RTL4: variants seen among roughly 807,000 people sequenced by gnomAD.
The protein encoded by RTL4 is retrotransposon Gag-like protein 4.
In RTL4, 4 loss-of-function variants were observed where a neutral mutation model predicts 5.3. The ratio of observed to expected loss-of-function variants is 0.75; its 90% CI spans 0.37 to 1.72. The LOEUF is 1.72. Among genes scored for constraint, RTL4 ranks in the 40% most tolerant of loss-of-function variants. The pLI is 0.04. For synonymous variants in RTL4, 98 were observed against 87.3 expected, an observed-to-expected ratio of 1.12 and a Z score of -0.68; for missense variants, 260 against 227.1, an observed-to-expected ratio of 1.14 and a Z score of -0.93.
At chrX:112,360,936 G>A in the RTL4 span, among the ~76,000 whole-genome samples, 1 of 110,838 alleles carries the variant, frequency 9.0e-6, no homozygotes, top group Non-Finnish European at 1.9e-5. Flanking sequence ...AGTACTCTTT[G>A]TGTTACAGAA....
the RTL4 span, among the ~76,000 whole-genome samples, chrX:112,361,900 T>C: frequency 1.8e-5 from 2 of 111,643 alleles, no homozygotes; most frequent in East Asian, 5.7e-4. Flanking sequence ...GACCTTCAAT[T>C]GGAATTGACT....
the RTL4 span, among the ~76,000 whole-genome samples, chrX:112,085,266 C>A: frequency 8.9e-6 from 1 of 112,559 alleles, no homozygotes; most frequent in Admixed American, 9.4e-5. Flanking sequence ...CACTATCTGA[C>A]TAATTTAAGC....
the RTL4 span, among the ~76,000 whole-genome samples, chrX:112,330,389 G>C: frequency 9.7e-6 from 1 of 103,033 alleles, no homozygotes; most frequent in Non-Finnish European, 1.9e-5. Flanking sequence ...CAAATCATGA[G>C]TGAACTCCCA....
chrX:112,118,380 CAG>C, the RTL4 span, among the ~76,000 whole-genome samples: 1 of 112,329 alleles, frequency 8.9e-6, no homozygotes, highest in Non-Finnish European at 1.9e-5. Flanking sequence ...AGCTATTGGC[CAG>C]AGTCTTCTTT....
At chrX:112,278,796 G>A in the RTL4 span, among the ~76,000 whole-genome samples, 2 of 110,513 alleles carry the variant, frequency 1.8e-5, no homozygotes, top group African/African-American at 6.6e-5. Context: ...AGGGAACAGA[G>A]GCTATACAAG....
At chrX:112,433,835 T>G in the RTL4 span, among the ~76,000 whole-genome samples, 1,297 of 62,191 alleles carry the variant, frequency 0.021, 56 homozygotes, top group African/African-American at 0.089. Context: ...ATGCTTCCAG[T>G]TTTTGCCCAT....
the RTL4 span, among the ~76,000 whole-genome samples, chrX:112,241,369 T>C: frequency 9.0e-6 from 1 of 111,661 alleles, no homozygotes; most frequent in Non-Finnish European, 1.9e-5. Flanking sequence ...TTCCTGACTT[T>C]TTAATGATCG....
the RTL4 span, among the ~76,000 whole-genome samples, chrX:112,313,319 G>A: frequency 3.6e-5 from 4 of 111,090 alleles, no homozygotes; most frequent in Admixed American, 2.9e-4. Context: ...AAACCCCAGG[G>A]TCCACAGTTG....
At chrX:112,442,441 G>A in the RTL4 span, among the ~76,000 whole-genome samples, 1 of 107,648 alleles carries the variant, frequency 9.3e-6, no homozygotes, top group Non-Finnish European at 1.9e-5. Flanking sequence ...TATAGATGGA[G>A]TTTCACCATG....
chrX:112,353,275 C>T, the RTL4 span, among the ~76,000 whole-genome samples: 1 of 111,268 alleles, frequency 9.0e-6, no homozygotes, highest in Non-Finnish European at 1.9e-5. Context: ...GTCAGTGTGG[C>T]GATTCCTCAG....
At chrX:112,419,595 T>TATATATATATATA in the RTL4 span, among the ~76,000 whole-genome samples, 357 of 28,089 alleles carry the variant, frequency 0.013, 14 homozygotes, top group African/African-American at 0.018. Flanking sequence ...ATATATATAT[T>TATATATATATATA]TTTACATATG....
the RTL4 span, among the ~76,000 whole-genome samples, chrX:112,090,397 T>C: frequency 9.0e-6 from 1 of 111,326 alleles, no homozygotes; most frequent in Non-Finnish European, 1.9e-5. Flanking sequence ...AAACATCCTT[T>C]ATCAGGTTGA....
At chrX:112,170,072 T>A in the RTL4 span, among the ~76,000 whole-genome samples, 1 of 112,031 alleles carries the variant, frequency 8.9e-6, no homozygotes, top group East Asian at 2.8e-4. Context: ...AGGTTGTAGG[T>A]GTGTGGTATT....
the RTL4 span, among the ~76,000 whole-genome samples, chrX:112,200,333 C>T: frequency 1.8e-5 from 2 of 111,757 alleles, no homozygotes; most frequent in South Asian, 3.8e-4. Context: ...TCTCTCTCTC[C>T]CCACTAGTAC....
the RTL4 span, among the ~76,000 whole-genome samples, chrX:112,290,223 C>G: frequency 8.9e-6 from 1 of 111,919 alleles, no homozygotes; most frequent in Admixed American, 9.5e-5. Flanking sequence ...GAATGACTAA[C>G]TAGAAGATGA....
At chrX:112,181,063 G>A in the RTL4 span, among the ~76,000 whole-genome samples, 62 of 111,427 alleles carry the variant, frequency 5.6e-4, no homozygotes, top group Non-Finnish European at 1.0e-3. Context: ...TGCCTCACCC[G>A]GGAAGTGCAA....
chrX:112,419,337 C>CTTTTTTTTT, the RTL4 span, among the ~76,000 whole-genome samples: 19 of 24,392 alleles, frequency 7.8e-4, 5 homozygotes, highest in African/African-American at 1.1e-3. Context: ...TTCCATTCAG[C>CTTTTTTTTT]TTTTTTTTTT....
At chrX:112,089,834 G>A in the RTL4 span, among the ~76,000 whole-genome samples, 512 of 110,990 alleles carry the variant, frequency 4.6e-3, 3 homozygotes, top group African/African-American at 0.016. Flanking sequence ...ATAGTTTTGG[G>A]AAATATTTCC....
At chrX:112,450,463 G>C (rs764097759), upstream of RTL4, among the ~76,000 whole-genome samples, 20 of 111,718 alleles carry the variant, frequency 1.8e-4, no homozygotes, top group African/African-American at 6.2e-4. Flanking sequence ...TCAAGGCTGT[G>C]GTCTGAAACA....
Sources: gnomAD v4.1 joint callset for allele counts (sites outside exome capture counted in the v4.1 genomes callset) on GRCh38, gnomAD v4.1.1 for gene constraint, MANE v1.5 for transcripts, NCBI Gene and HGNC (gene_info 2026-07-23, HGNC 2026-07-21) for gene names.